Variants in EVI5 observed in about 807,000 individuals in gnomAD.
EVI5 encodes the protein ecotropic viral integration site 5.
A neutral mutation model predicts 112.0 loss-of-function variants in EVI5; 73 were observed. The observed-to-expected ratio is 0.65, with a 90% CI of 0.54 to 0.79. The LOEUF is 0.79. EVI5 is among the 30% of genes least tolerant of loss of function. The pLI is 0.00. For missense variants in EVI5, 900 were observed against 968.8 expected, an observed-to-expected ratio of 0.93 and a Z score of 0.94; for synonymous variants, 305 against 319.9, an observed-to-expected ratio of 0.95 and a Z score of 0.50.
chr1:92,776,992 C>T (rs1684231924), intron 1 of EVI5, among the ~76,000 whole-genome samples: 1 of 151,908 alleles, frequency 6.6e-6, no homozygotes, highest in African/African-American at 2.4e-5. Flanking sequence ...TTAGTAGAGA[C>T]GGGGTTTCAC....
intron 11 of EVI5, among the ~76,000 whole-genome samples, chr1:92,665,168 G>A (rs1238547612): frequency 6.6e-6 from 1 of 152,092 alleles, no homozygotes; most frequent in Admixed American, 6.5e-5. Context: ...TTGAGCCACT[G>A]CACTCCAGCC....
chr1:92,717,817 G>A lies in EVI5; in HGVS notation c.150-13073C>T, dbSNP rs138398534. Among the ~76,000 whole-genome samples the A allele has an allele frequency of 5.1e-3, 768 of 151,742 alleles. 4 individuals carry two copies. Among genetic ancestry groups the A allele is most frequent in the Admixed American group, 6.6e-3 (100 of 15,212 alleles). On this transcript the variant is annotated intron_variant, in intron 2 of 19. Transcript: ENST00000684568. ...GAAGATCCATCTCACGTGCAAAGAC[G>A]CACATAGGCTCAAAATAAAGGGATG...
At chr1:92,685,486 A>C (rs1668359956) in intron 9 of EVI5, among the ~76,000 whole-genome samples, 1 of 152,240 alleles carries the variant, frequency 6.6e-6, no homozygotes. Flanking sequence ...CATCACAATT[A>C]AAAGAACTAG....
chr1:92,602,604 A>G (rs560797013), intron 18 of EVI5, among the ~76,000 whole-genome samples: 1 of 152,230 alleles, frequency 6.6e-6, no homozygotes, highest in East Asian at 1.9e-4. Flanking sequence ...ACAGGGTCTT[A>G]TTCTATTGCC....
chr1:92,607,156 CTA>C (rs1252489942), intron 17 of EVI5, among the ~76,000 whole-genome samples: 1 of 152,138 alleles, frequency 6.6e-6, no homozygotes, highest in Non-Finnish European at 1.5e-5. Context: ...CTTTTGCTCT[CTA>C]GTCTATCCAG....
intron 18 of EVI5, among the ~76,000 whole-genome samples, chr1:92,565,948 C>CAGAAAAAAAA (rs1669382902): frequency 1.9e-5 from 1 of 51,858 alleles, no homozygotes. Flanking sequence ...CCAGCCCGAG[C>CAGAAAAAAAA]AAAAAAAAAA....
At chr1:92,594,771 C>A (rs1289879681) in intron 18 of EVI5, among the ~76,000 whole-genome samples, 1 of 149,996 alleles carries the variant, frequency 6.7e-6, no homozygotes, top group African/African-American at 2.4e-5. Flanking sequence ...TGAACAGACA[C>A]TTCTCAAAAG....
At chr1:92,638,473 C>T (rs1659329017) in intron 13 of EVI5, among the ~76,000 whole-genome samples, 1 of 152,070 alleles carries the variant, frequency 6.6e-6, no homozygotes, top group African/African-American at 2.4e-5. Flanking sequence ...TAACATACTG[C>T]AAATTACACA....
At chr1:92,649,570 C>T (rs7514334) in intron 13 of EVI5, among the ~76,000 whole-genome samples, 93,172 of 152,066 alleles carry the variant, frequency 0.61, 29,390 homozygotes, top group East Asian at 0.93. Context: ...AATCTCAGCA[C>T]TTTGGGAGGC....
At chr1:92,786,797 A>G (rs1034244815), upstream of EVI5, among the ~76,000 whole-genome samples, 2 of 152,226 alleles carry the variant, frequency 1.3e-5, no homozygotes, top group Non-Finnish European at 2.9e-5. Context: ...CTGAATGGCC[A>G]GGTGCCTTGC....
At chr1:92,688,311 C>A (rs923674471) in intron 9 of EVI5, among the ~76,000 whole-genome samples, 1 of 152,188 alleles carries the variant, frequency 6.6e-6, no homozygotes, top group Non-Finnish European at 1.5e-5. Context: ...CATGCTCTCA[C>A]TCATAGGTGG....
At chr1:92,620,460 A>C (rs1446181973) in intron 16 of EVI5, among the ~76,000 whole-genome samples, 3 of 151,682 alleles carry the variant, frequency 2.0e-5, no homozygotes, top group Non-Finnish European at 2.9e-5. Flanking sequence ...AGAAAAAAAA[A>C]CCCAGATCTG....
chr1:92,648,833 T>C (rs1422047539), intron 13 of EVI5, among the ~76,000 whole-genome samples: 1 of 152,234 alleles, frequency 6.6e-6, no homozygotes, highest in African/African-American at 2.4e-5. Context: ...GCTACAAACG[T>C]GTATACACAT....
In EVI5 at chr1:92,513,454, A is replaced by G. The variant is rs1052244440; in HGVS notation, c.*202T>C. 4.5e-5 allele frequency: 9 copies of G among 199,158 alleles called. 1 individual carries two copies. Among genetic ancestry groups the G allele is most frequent in the Admixed American group, 2.4e-4 (4 of 16,866 alleles). The allele number at this position is 199,158 out of a possible 1,614,324, so 12.3% of individuals were successfully genotyped here. ...ACCATATACCAGTCTACTTTATGGC[A>G]ATGGTAAATCAGTGGTAAAGATTTG... On this transcript the variant is annotated 3_prime_UTR_variant, in exon 20 of 20. Coordinates refer to ENST00000684568, the MANE Select transcript of EVI5 (RefSeq NM_001350197.2).
chr1:92,513,886 C>A lies in EVI5; in HGVS notation c.2251G>T (p.Asp751Tyr). 1.2e-6 allele frequency: 2 copies of A among 1,612,258 alleles called. No homozygotes were observed. Among genetic ancestry groups the A allele is most frequent in the Non-Finnish European group, 1.7e-6 (2 of 1,178,834 alleles). ...TCATCGGAGGAATGGAATGATTCAT[C>A]ATCTCCTATTAAATGGTTGACAATG... ...IHIVNHLIGDDESFHSSDEDF... is the reference protein window; with the variant it reads ...IHIVNHLIGDYESFHSSDEDF... The change falls in exon 20 of 20, where the codon GAT becomes TAT. Residue 751 changes from aspartate (D) to tyrosine (Y), a missense_variant. Asp to Tyr is a radical substitution (Grantham distance 160). Coordinates refer to ENST00000684568, the MANE Select transcript of EVI5 (RefSeq NM_001350197.2).
intron 10 of EVI5, among the ~76,000 whole-genome samples, chr1:92,676,267 T>C (rs1040541287): frequency 6.6e-6 from 1 of 152,056 alleles, no homozygotes; most frequent in Admixed American, 6.6e-5. Flanking sequence ...CCCATTTCCT[T>C]GTAAAAGGAG....
At chr1:92,625,749 G>A (rs201552619) in intron 15 of EVI5, 45 bp downstream of exon 15, 6 of 1,565,994 alleles carry the variant, frequency 3.8e-6, no homozygotes, top group South Asian at 1.1e-5. Context: ...TGGATATTTC[G>A]GTTTTACTCT....
At position 92,556,179 on chromosome 1, in the gene EVI5, A is replaced by T. The variant is rs979988277; in HGVS notation, c.2166+7463T>A. Reference sequence around the variant, plus strand: ...CCTGGGTTCAAGCGATTCTCCTGCCACAGCCTCCCCAGTAGCTGAGATTAC... The same window carrying T: ...CCTGGGTTCAAGCGATTCTCCTGCCTCAGCCTCCCCAGTAGCTGAGATTAC... On this transcript the variant is annotated intron_variant, in intron 19 of 19. Transcript: ENST00000684568. Among the ~76,000 whole-genome samples the T allele has an allele frequency of 6.0e-5, 9 of 149,980 alleles. 1 individual carries two copies. Among genetic ancestry groups the T allele is most frequent in the Admixed American group, 4.0e-4 (6 of 14,942 alleles).
chr1:92,632,166 C>G (rs889522579), intron 14 of EVI5, among the ~76,000 whole-genome samples: 27 of 151,982 alleles, frequency 1.8e-4, no homozygotes. Flanking sequence ...TCTCTGCCAA[C>G]CTTTGGTATC....
Sources: gnomAD v4.1 joint callset for allele counts (sites outside exome capture counted in the v4.1 genomes callset) on GRCh38, gnomAD v4.1.1 for gene constraint, MANE v1.5 for transcripts, NCBI Gene and HGNC (gene_info 2026-07-23, HGNC 2026-07-21) for gene names.